The following TPSG1 variants were observed in gnomAD, a reference collection of about 807,000 sequenced individuals.
TPSG1 encodes the protein tryptase gamma 1.
Under a neutral mutation model 23.8 loss-of-function variants are expected in TPSG1, and 43 were observed. The observed-to-expected ratio is 1.81, with a 90% CI of 1.42 to 2.33. TPSG1 has a LOEUF of 2.33. Among genes scored for constraint, TPSG1 ranks in the 30% most tolerant of loss-of-function variants. TPSG1 has a pLI of 0.00. For synonymous variants in TPSG1, 302 were observed against 201.3 expected (o/e 1.50, Z -4.23); for missense variants, 623 against 438.6 (o/e 1.42, Z -3.75).
In TPSG1 at chr16:1,223,599, G is replaced by A; in HGVS notation, c.74-5C>T. ...AAACCTGCGGCCGGCCACACCCTAAGTCGAAGGAGGAAGGGGTGCCTGGTG... is the reference window on the plus strand; with the variant it reads ...AAACCTGCGGCCGGCCACACCCTAAATCGAAGGAGGAAGGGGTGCCTGGTG... On this transcript the variant is annotated splice_polypyrimidine_tract_variant and splice_region_variant and intron_variant, in intron 2 of 5. Transcript: ENST00000234798. The A allele has an allele frequency of 6.5e-7, 1 of 1,537,554 alleles. No homozygotes were observed. Among genetic ancestry groups the A allele is most frequent in the Non-Finnish European group, 8.7e-7 (1 of 1,145,012 alleles).
At chr16:1,223,155 G>C (rs2029915165) in intron 3 of TPSG1, among the ~76,000 whole-genome samples, 1 of 152,232 alleles carries the variant, frequency 6.6e-6, no homozygotes, top group African/African-American at 2.4e-5. Context: ...AGCAGGGGCT[G>C]GTCAGGAGGC....
At chr16:1,224,034 C>T (rs1231900939) in intron 2 of TPSG1, 2 of 215,576 alleles carry the variant, frequency 9.3e-6, no homozygotes, top group Non-Finnish European at 1.8e-5. Context: ...GTCCAAGGTG[C>T]TCGGGGCCTC....
chr16:1,222,990 C>T (rs1389495753), intron 3 of TPSG1, 73 bp from the exon 4 acceptor site: 5 of 1,476,172 alleles, frequency 3.4e-6, no homozygotes, highest in Non-Finnish European at 4.5e-6. Flanking sequence ...CCGCCCAGAC[C>T]CTACCCTTGC....
In TPSG1 at chr16:1,223,595, C is replaced by T. The variant is rs1295195388; in HGVS notation, c.74-1G>A. ...TCCGAAACCTGCGGCCGGCCACACCCTAAGTCGAAGGAGGAAGGGGTGCCT... is the reference window on the plus strand; with the variant it reads ...TCCGAAACCTGCGGCCGGCCACACCTTAAGTCGAAGGAGGAAGGGGTGCCT... On this transcript the variant is annotated splice_acceptor_variant, in intron 2 of 5. Coordinates refer to ENST00000234798, the MANE Select transcript of TPSG1 (RefSeq NM_012467.4). LOFTEE classifies it high-confidence loss of function. 4.5e-6 allele frequency: 7 copies of T among 1,539,030 alleles called. No homozygotes were observed. Among genetic ancestry groups the T allele is most frequent in the East Asian group, 2.5e-5 (1 of 40,614 alleles).
rs536580211 is a variant in TPSG1, at chr16:1,222,639, G to C, written c.511+13C>G. The stretch of plus-strand genomic sequence containing the variant: ...CCTTCCTCCATCCCAGCATCCCCAC[G>C]GGGGCTCCTCACCTCCCTCCCGCGT... On this transcript the variant is annotated intron_variant, in intron 4 of 5. Coordinates refer to ENST00000234798, the MANE Select transcript of TPSG1 (RefSeq NM_012467.4). 4.1e-5 allele frequency: 63 copies of C among 1,533,064 alleles called. No homozygotes were observed. In the East Asian group the frequency reaches 1.3e-3, roughly 31 times the overall value. 95.0% of individuals were successfully genotyped at this position (1,533,064 alleles called of 1,614,324 possible). A position where few individuals can be genotyped will look rare whatever the true frequency, so the allele number is the denominator to read the frequency against.
intron 4 of TPSG1, 83 bp from the exon 5 acceptor site, chr16:1,222,424 G>A: frequency 1.5e-6 from 2 of 1,334,586 alleles, no homozygotes; most frequent in Non-Finnish European, 2.1e-6. Flanking sequence ...CCAGACACAA[G>A]TCCCATGCCA....
rs143608316 is a variant in TPSG1, at chr16:1,222,901, C to G, written c.262G>C (p.Asp88His). 6 of 1,606,794 alleles carry G rather than the reference C, an allele frequency of 3.7e-6. No homozygotes were observed. Among genetic ancestry groups the G allele is most frequent in the Non-Finnish European group, 5.1e-6 (6 of 1,177,216 alleles). ...AGTTCCCCCAGGTGCACCTGGTAGT[C>G]GGATGAGTTCAGGGACCTGGGAGGG... ...HCFSGSLNSSDYQVHLGELEI... is the reference protein window; with the variant it reads ...HCFSGSLNSSHYQVHLGELEI... Residue 88 changes from aspartate (D) to histidine (H), a missense_variant, in exon 4 of 6, where the codon GAC (aspartate) becomes CAC (histidine). Transcript: ENST00000234798.
At chr16:1,225,100 C>T (rs1020930376) in intron 1 of TPSG1, 107 bp downstream of exon 1, 2 of 1,405,826 alleles carry the variant, frequency 1.4e-6, no homozygotes, top group South Asian at 1.3e-5. Flanking sequence ...AGGGTGGGGA[C>T]TCAGCATGTT....
At chr16:1,223,263 C>T (rs2029927184) in intron 3 of TPSG1, among the ~76,000 whole-genome samples, 160 bp downstream of exon 3, 1 of 152,248 alleles carries the variant, frequency 6.6e-6, no homozygotes, top group South Asian at 2.1e-4. Context: ...CAGAACCTCA[C>T]AGAAGGTGGG....
chr16:1,225,128 C>T, intron 1 of TPSG1, 79 bp downstream of exon 1: 3 of 1,505,082 alleles, frequency 2.0e-6, no homozygotes, highest in East Asian at 2.5e-5. Flanking sequence ...CTCAGACCAG[C>T]CCCCAGTTTC....
chr16:1,224,727 T>TG, intron 1 of TPSG1, 99 bp from the exon 2 acceptor site: 1 of 1,504,412 alleles, frequency 6.6e-7, no homozygotes, highest in Non-Finnish European at 9.2e-7. Context: ...GGCACTGGGG[T>TG]GGGGCCTGGT....
At position 1,222,916 on chromosome 16, in the gene TPSG1, AC is replaced by A. The variant is rs766216946; in HGVS notation, c.246del (p.Ser83ProfsTer2). 6.3e-7 allele frequency: 1 copy of A among 1,593,474 alleles called. No homozygotes were observed. The highest frequency in any genetic ancestry group is 1.1e-5 in the South Asian group (1 of 89,302). On this transcript the variant is annotated frameshift_variant and splice_region_variant, in exon 4 of 6. Coordinates refer to ENST00000234798, the MANE Select transcript of TPSG1 (RefSeq NM_012467.4). LOFTEE classifies it high-confidence loss of function. The part of the protein sequence containing the change: ...WVLTAAHCFS[G>X]SLNSSDYQVH... ...ACCTGGTAGTCGGATGAGTTCAGGG[AC>A]CTGGGAGGGAAGGTGGCTGGGTGAG... is the stretch of plus-strand genomic sequence containing the variant.
Position 1,222,250 on chromosome 16 carries a change from G to C in TPSG1, c.603C>G (p.Gly201=), listed in dbSNP as rs1478398756. The part of the protein sequence containing the change: ...TCRRDYPGPG[G]SILQPDMLCA... ...ACAGCATGTCGGGCTGAAGGATGCT[G>C]CCCCCGGGGCCGGGATAGTCCCGGC... Residue 201 remains glycine (G), a synonymous_variant, in exon 5 of 6, where the codon GGC becomes GGG. Coordinates refer to ENST00000234798, the MANE Select transcript of TPSG1 (RefSeq NM_012467.4). 2 of 1,612,060 alleles carry C rather than the reference G, an allele frequency of 1.2e-6. No homozygotes were observed. Among genetic ancestry groups the C allele is most frequent in the Non-Finnish European group, 8.5e-7 (1 of 1,179,802 alleles).
Position 1,225,204 on chromosome 16 carries a change from C to T in TPSG1, c.46+3G>A, listed in dbSNP as rs745813240. On this transcript the variant is annotated splice_donor_region_variant and intron_variant, in intron 1 of 5. Coordinates refer to ENST00000234798, the MANE Select transcript of TPSG1 (RefSeq NM_012467.4). ...ATCCCCACACCCAGGCCAGGTCACC[C>T]ACCGGGCACAGCCAGGAGCAGCAGG... The T allele has an allele frequency of 1.1e-5, 18 of 1,575,138 alleles. No homozygotes were observed. The African/African-American group carries it at 1.6e-4, about 14-fold the overall frequency.
At position 1,222,833 on chromosome 16, in the gene TPSG1, GA is replaced by G; in HGVS notation, c.329del (p.Ile110ThrfsTer26). 1 of 1,611,764 alleles carries G rather than the reference GA, an allele frequency of 6.2e-7. No homozygotes were observed. The highest frequency in any genetic ancestry group is 1.1e-5 in the South Asian group (1 of 90,940). On this transcript the variant is annotated frameshift_variant, in exon 4 of 6. Coordinates refer to ENST00000234798, the MANE Select transcript of TPSG1 (RefSeq NM_012467.4). LOFTEE classifies it high-confidence loss of function. ...LSPHFSTVRQIILHSSPSGQP... is the reference protein window; with the variant it reads ...LSPHFSTVRQXILHSSPSGQP... ...GTCCTGAGGGGCTGGAGTGCAGGAT[GA>G]TCTGCCTCACGGTGGAGAAGTGGGG...
At chr16:1,224,553 A>G in intron 2 of TPSG1, 49 bp downstream of exon 2, 4 of 1,611,970 alleles carry the variant, frequency 2.5e-6, no homozygotes, top group Non-Finnish European at 3.4e-6. Context: ...CCCTCCTGCC[A>G]GGCCTTGCCT....
In TPSG1 at chr16:1,222,636, C is replaced by G. The variant is rs1360947323; in HGVS notation, c.511+16G>C. ...TTGCCTTCCTCCATCCCAGCATCCCCACGGGGGCTCCTCACCTCCCTCCCG... is the reference window on the plus strand; with the variant it reads ...TTGCCTTCCTCCATCCCAGCATCCCGACGGGGGCTCCTCACCTCCCTCCCG... On this transcript the variant is annotated intron_variant, in intron 4 of 5. Transcript: ENST00000234798. 6 of 1,532,818 alleles carry G rather than the reference C, an allele frequency of 3.9e-6. No homozygotes were observed. The highest frequency in any genetic ancestry group is 5.3e-6 in the Non-Finnish European group (6 of 1,135,802). 95.0% of individuals were successfully genotyped at this position (1,532,818 alleles called of 1,614,324 possible).
rs576485768 is a variant in TPSG1, at chr16:1,223,609, G to T, written c.74-15C>A. 3 of 1,533,188 alleles carry T rather than the reference G, an allele frequency of 2.0e-6. No individual in the cohort carries two copies. Among genetic ancestry groups the T allele is most frequent in the Non-Finnish European group, 1.7e-6 (2 of 1,143,984 alleles). The allele number at this position is 1,533,188 out of a possible 1,614,324, so 95.0% of individuals were successfully genotyped here. On this transcript the variant is annotated splice_polypyrimidine_tract_variant and intron_variant, in intron 2 of 5. Coordinates refer to ENST00000234798, the MANE Select transcript of TPSG1 (RefSeq NM_012467.4). ...CCGGCCACACCCTAAGTCGAAGGAGGAAGGGGTGCCTGGTGGGGATCCCAA... is the reference window on the plus strand; with the variant it reads ...CCGGCCACACCCTAAGTCGAAGGAGTAAGGGGTGCCTGGTGGGGATCCCAA...
intron 3 of TPSG1, among the ~76,000 whole-genome samples, chr16:1,223,139 G>A (rs536857094): frequency 6.6e-5 from 10 of 152,332 alleles, no homozygotes; most frequent in African/African-American, 1.7e-4. Flanking sequence ...CAGCATGCCC[G>A]ACACCAGCAG....
Sources: gnomAD v4.1 joint callset for allele counts (sites outside exome capture counted in the v4.1 genomes callset) on GRCh38, gnomAD v4.1.1 for gene constraint, MANE v1.5 for transcripts, NCBI Gene and HGNC (gene_info 2026-07-23, HGNC 2026-07-21) for gene names.